AGT: variants seen among roughly 807,000 people sequenced by gnomAD.
AGT encodes angiotensinogen, also known as alpha-1 antiproteinase, antitrypsin.
In AGT, 26 loss-of-function variants were observed where a neutral mutation model predicts 28.1. That is an observed-to-expected ratio of 0.92 (90% confidence interval 0.68 to 1.28). AGT has a LOEUF of 1.28. Among genes scored for constraint, AGT ranks in the 50% most tolerant of loss-of-function variants. The pLI is 0.00. For missense variants in AGT, 596 were observed against 592.3 expected, an observed-to-expected ratio of 1.01 and a Z score of -0.06; for synonymous variants, 259 against 259.6, an observed-to-expected ratio of 1.00 and a Z score of 0.02.
Position 230,705,883 on chromosome 1 carries a change from G to T in AGT, c.1097+50C>A, listed in dbSNP as rs149690396. On this transcript the variant is annotated intron_variant, in intron 3 of 4. Coordinates refer to ENST00000366667, the MANE Select transcript of AGT (RefSeq NM_001384479.1). The stretch of plus-strand genomic sequence containing the variant: ...TACTCCCCACCCCGCCCCCAGCCTG[G>T]GCAGGACAGTGTGGCTCCCACATTC... 1.1e-5 allele frequency: 18 copies of T among 1,608,378 alleles called. No homozygotes were observed. The African/African-American group carries it at 2.0e-4, about 18-fold the overall frequency.
chr1:230,729,130 C>T (rs917223186), intron 1 of AGT, among the ~76,000 whole-genome samples: 2 of 152,230 alleles, frequency 1.3e-5, no homozygotes, highest in African/African-American at 2.4e-5. Context: ...GAGGCACCTG[C>T]CTGGTGCAGT....
In AGT at chr1:230,703,881, G is replaced by A. The variant is rs953993707; in HGVS notation, c.1242+312C>T. On this transcript the variant is annotated intron_variant, in intron 4 of 4. Transcript: ENST00000366667. ...CAGGGCACCAGGTCCAGGGGTGCTT[G>A]CTGTCTTCATCCCGGTTTCAACTCC... 2.0e-5 allele frequency among the ~76,000 whole-genome samples: 3 copies of A among 152,182 alleles called. No homozygotes were observed. In the South Asian group the frequency reaches 6.2e-4, roughly 32 times the overall value.
chr1:230,707,245 G>A (rs898399148), intron 2 of AGT, among the ~76,000 whole-genome samples: 5 of 152,134 alleles, frequency 3.3e-5, no homozygotes, highest in African/African-American at 1.2e-4. Context: ...CCTCTGCCTC[G>A]ACCTTACACT....
chr1:230,733,933 C>A (rs1664110168), intron 1 of AGT, among the ~76,000 whole-genome samples: 1 of 152,020 alleles, frequency 6.6e-6, no homozygotes, highest in Non-Finnish European at 1.5e-5. Context: ...GAGGCCGGGC[C>A]CAGATGACAG....
At chr1:230,705,865 C>G (rs61757180) in intron 3 of AGT, 68 bp downstream of exon 3, 1 of 1,596,298 alleles carries the variant, frequency 6.3e-7, no homozygotes, top group East Asian at 2.2e-5. Context: ...GTCTACTCCC[C>G]ACCCCGCCCC....
chr1:230,715,072 C>T (rs1663701570), upstream of AGT, among the ~76,000 whole-genome samples: 1 of 151,968 alleles, frequency 6.6e-6, no homozygotes, highest in Non-Finnish European at 1.5e-5. Flanking sequence ...GTTCAAGGAG[C>T]CACGGCATAT....
chr1:230,726,072 C>T (rs1161386627), intron 1 of AGT, among the ~76,000 whole-genome samples: 1 of 152,210 alleles, frequency 6.6e-6, no homozygotes, highest in Non-Finnish European at 1.5e-5. Context: ...GCTATTTAGA[C>T]TGCAAAATTG....
intron 1 of AGT, among the ~76,000 whole-genome samples, chr1:230,732,655 A>C (rs1456917522): frequency 6.6e-6 from 1 of 152,268 alleles, no homozygotes; most frequent in Admixed American, 6.5e-5. Context: ...CTGTGCACAA[A>C]GTAAGCTACA....
chr1:230,703,389 A>G, intron 4 of AGT, 60 bp from the exon 5 acceptor site: 1 of 1,583,376 alleles, frequency 6.3e-7, no homozygotes, highest in Non-Finnish European at 8.7e-7. Flanking sequence ...CAGGGTGCTG[A>G]GGGCTAGAGG....
At chr1:230,716,768 A>G (rs1019460369), upstream of AGT, among the ~76,000 whole-genome samples, 4 of 152,070 alleles carry the variant, frequency 2.6e-5, no homozygotes, top group Non-Finnish European at 5.9e-5. Context: ...CTTTTTCTTT[A>G]TAAATTACCC....
chr1:230,726,827 C>G (rs1237716064), intron 1 of AGT, among the ~76,000 whole-genome samples: 3 of 152,162 alleles, frequency 2.0e-5, no homozygotes, highest in Non-Finnish European at 2.9e-5. Context: ...CTAAACCCAG[C>G]AGGGCTTCCC....
At chr1:230,724,868 T>G (rs917355724) in intron 1 of AGT, among the ~76,000 whole-genome samples, 1 of 152,102 alleles carries the variant, frequency 6.6e-6, no homozygotes, top group African/African-American at 2.4e-5. Flanking sequence ...AATTTAGATG[T>G]GCAGAATTTG....
intron 1 of AGT, among the ~76,000 whole-genome samples, chr1:230,742,840 C>T (rs974598378): frequency 1.4e-4 from 21 of 152,248 alleles, no homozygotes; most frequent in African/African-American, 2.2e-4. Context: ...TTTCACTTTT[C>T]GGGGTGCGGC....
At chr1:230,745,541 C>G (rs111746078) in exon 1 of AGT, among the ~76,000 whole-genome samples, 1 of 152,332 alleles carries the variant, frequency 6.6e-6, no homozygotes, top group African/African-American at 2.4e-5. Context: ...AGTCCAAGAT[C>G]AAGGCACTGG....
At position 230,702,828 on chromosome 1, in the gene AGT, G is replaced by A. The variant is rs1663270332; in HGVS notation, c.*313C>T. ...GTTTCACAAACAAGCTGGTCGGTTG[G>A]AATTCTTTTTGGAACAGTAGTCCCG... is the stretch of plus-strand genomic sequence containing the variant. On this transcript the variant is annotated 3_prime_UTR_variant, in exon 5 of 5. Transcript: ENST00000366667. 3.0e-6 allele frequency: 1 copy of A among 338,796 alleles called. No individual in the cohort carries two copies. Among genetic ancestry groups the A allele is most frequent in the African/African-American group, 2.0e-5 (1 of 48,908 alleles). The allele number at this position is 338,796 out of a possible 1,614,324, so 21.0% of individuals were successfully genotyped here.
intron 1 of AGT, among the ~76,000 whole-genome samples, chr1:230,731,694 C>T (rs761920277): frequency 1.3e-5 from 2 of 152,052 alleles, no homozygotes; most frequent in Non-Finnish European, 2.9e-5. Flanking sequence ...GGTGAAACCC[C>T]GTCTCTACTA....
intron 1 of AGT, among the ~76,000 whole-genome samples, chr1:230,738,778 G>C (rs1664194042): frequency 6.6e-6 from 1 of 152,106 alleles, no homozygotes; most frequent in African/African-American, 2.4e-5. Flanking sequence ...AAAAAGATGG[G>C]AATTCAATTA....
intron 1 of AGT, among the ~76,000 whole-genome samples, chr1:230,740,593 CAAG>C (rs1260801536): frequency 6.6e-6 from 1 of 152,146 alleles, no homozygotes; most frequent in African/African-American, 2.4e-5. Flanking sequence ...AATCTAAATA[CAAG>C]TTTTGGTGCG....
intron 1 of AGT, among the ~76,000 whole-genome samples, chr1:230,719,608 C>T (rs1663807135): frequency 2.0e-5 from 3 of 151,920 alleles, no homozygotes; most frequent in South Asian, 2.1e-4. Flanking sequence ...GGGGTTTCAC[C>T]GTGTTAGCCA....
Sources: allele counts gnomAD v4.1 joint callset (sites outside exome capture counted in the v4.1 genomes callset), GRCh38; gene constraint gnomAD v4.1.1; transcripts MANE v1.5; gene names NCBI Gene and HGNC (gene_info 2026-07-23, HGNC 2026-07-21).